CNIH3: variants seen among roughly 807,000 people sequenced by gnomAD.
CNIH3 encodes protein cornichon homolog 3.
CNIH3 carries 14 observed loss-of-function variants against 24.1 expected under a neutral mutation model. The ratio of observed to expected loss-of-function variants is 0.58; its 90% confidence interval spans 0.38 to 0.91. The LOEUF is 0.91. Ranked by LOEUF, CNIH3 falls within the 40% of genes least tolerant of loss-of-function variation. The pLI is 0.00. For synonymous variants in CNIH3, 68 were observed against 73.8 expected (o/e 0.92, Z 0.40); for missense variants, 178 against 196.8 (o/e 0.90, Z 0.57).
intron 1 of CNIH3, among the ~76,000 whole-genome samples, chr1:224,468,429 T>G (rs1676235030): frequency 6.6e-6 from 1 of 152,260 alleles, no homozygotes; most frequent in Non-Finnish European, 1.5e-5. Context: ...TTCATTTGCT[T>G]TGTAGCAATT....
At chr1:224,493,732 T>C (rs1050406115) in intron 1 of CNIH3, among the ~76,000 whole-genome samples, 2 of 152,126 alleles carry the variant, frequency 1.3e-5, no homozygotes, top group African/African-American at 4.8e-5. Context: ...CAAAAGCACA[T>C]GGGAGAAACA....
intron 3 of CNIH3, among the ~76,000 whole-genome samples, chr1:224,700,279 T>A (rs1687413252): frequency 6.6e-6 from 1 of 152,230 alleles, no homozygotes; most frequent in Non-Finnish European, 1.5e-5. Flanking sequence ...CCCACCCTAA[T>A]GACCACATTT....
intron 5 of CNIH3, among the ~76,000 whole-genome samples, chr1:224,735,018 A>G (rs1302734218): frequency 2.0e-5 from 3 of 152,174 alleles, no homozygotes; most frequent in Admixed American, 6.5e-5. Context: ...CTTCTTCCCT[A>G]TAGGGCTTCC....
At chr1:224,549,237 G>A (rs1416102242) in intron 3 of CNIH3, among the ~76,000 whole-genome samples, 1 of 152,016 alleles carries the variant, frequency 6.6e-6, no homozygotes, top group African/African-American at 2.4e-5. Flanking sequence ...AAATATCAGA[G>A]CAATGATATT....
intron 1 of CNIH3, among the ~76,000 whole-genome samples, chr1:224,456,152 GAAA>G (rs1379416408): frequency 6.6e-6 from 1 of 152,152 alleles, no homozygotes; most frequent in Non-Finnish European, 1.5e-5. Context: ...AAGTAGGATT[GAAA>G]CATGCATAAT....
chr1:224,726,654 T>C (rs2125234255), intron 3 of CNIH3, among the ~76,000 whole-genome samples: 1 of 152,304 alleles, frequency 6.6e-6, no homozygotes, highest in East Asian at 1.9e-4. Context: ...GATTAGGTTT[T>C]ACTCGCCCTT....
At chr1:224,737,225 AG>A (rs1388222129) in intron 5 of CNIH3, among the ~76,000 whole-genome samples, 12 of 23,184 alleles carry the variant, frequency 5.2e-4, no homozygotes, top group Non-Finnish European at 8.2e-4. Flanking sequence ...CGGGGGTGGG[AG>A]GGGGTGGGGT....
intron 3 of CNIH3, among the ~76,000 whole-genome samples, chr1:224,602,099 A>G (rs1012233633): frequency 6.6e-6 from 1 of 152,232 alleles, no homozygotes; most frequent in Non-Finnish European, 1.5e-5. Context: ...TAAATGTCTC[A>G]TTTAAAATAC....
Position 224,470,936 on chromosome 1 carries a change from C to T in CNIH3, n.203+36074C>T, listed in dbSNP as rs192860811. 2.0e-5 allele frequency among the ~76,000 whole-genome samples: 3 copies of T among 152,268 alleles called. No homozygotes were observed. In the East Asian group the frequency reaches 5.8e-4, roughly 29 times the overall value. On this transcript the variant is annotated intron_variant and non_coding_transcript_variant, in intron 1 of 5. Coordinates refer to the CNIH3 transcript ENST00000471578. ...GATATCCATAACCTCAAGAATTTAT[C>T]GTTTGTGTTACAAACAATCTAGTTG...
At chr1:224,737,343 G>T (rs963980922) in intron 5 of CNIH3, among the ~76,000 whole-genome samples, 2 of 152,128 alleles carry the variant, frequency 1.3e-5, no homozygotes, top group Admixed American at 6.6e-5. Context: ...CATTACTTCA[G>T]TTTGGCCCTG....
intron 1 of CNIH3, among the ~76,000 whole-genome samples, chr1:224,459,563 T>C (rs528468646): frequency 6.6e-6 from 1 of 152,320 alleles, no homozygotes; most frequent in South Asian, 2.1e-4. Context: ...TAGATCTGTT[T>C]GTGCTTATCT....
intron 3 of CNIH3, among the ~76,000 whole-genome samples, chr1:224,713,930 T>C (rs568301161): frequency 7.2e-5 from 11 of 152,292 alleles, no homozygotes; most frequent in African/African-American, 2.2e-4. Flanking sequence ...TCCTCCCACC[T>C]CAGCCTCCCG....
At chr1:224,598,152 AT>A (rs1682064777) in intron 3 of CNIH3, among the ~76,000 whole-genome samples, 1 of 152,244 alleles carries the variant, frequency 6.6e-6, no homozygotes, top group Non-Finnish European at 1.5e-5. Flanking sequence ...AAATATCCAC[AT>A]TAACAGAAAT....
At chr1:224,666,253 C>A (rs1345204248) in intron 1 of CNIH3, among the ~76,000 whole-genome samples, 3 of 152,086 alleles carry the variant, frequency 2.0e-5, no homozygotes, top group African/African-American at 7.2e-5. Flanking sequence ...TCTGAGCATG[C>A]AGACAGCTGG....
At chr1:224,731,297 A>T (rs915287450) in intron 4 of CNIH3, among the ~76,000 whole-genome samples, 2 of 152,120 alleles carry the variant, frequency 1.3e-5, no homozygotes, top group African/African-American at 4.8e-5. Flanking sequence ...AAAAGCACCT[A>T]CCAGATGGGC....
At chr1:224,654,307 C>T (rs184065747) in intron 1 of CNIH3, among the ~76,000 whole-genome samples, 339 of 152,140 alleles carry the variant, frequency 2.2e-3, no homozygotes, top group Non-Finnish European at 3.7e-3. Context: ...CGCTTGAACC[C>T]GGGGGTGGAG....
At chr1:224,602,781 G>A (rs1682258684) in intron 3 of CNIH3, among the ~76,000 whole-genome samples, 1 of 152,180 alleles carries the variant, frequency 6.6e-6, no homozygotes, top group Admixed American at 6.5e-5. Context: ...AAAAGGAAAA[G>A]GGCTTTGAAT....
intron 3 of CNIH3, among the ~76,000 whole-genome samples, chr1:224,719,477 A>C (rs1688602769): frequency 6.6e-6 from 1 of 152,170 alleles, no homozygotes; most frequent in African/African-American, 2.4e-5. Context: ...GCTTTTTAAA[A>C]CTATATGGAG....
At chr1:224,655,788 A>G (rs1239349935) in intron 1 of CNIH3, among the ~76,000 whole-genome samples, 1 of 152,222 alleles carries the variant, frequency 6.6e-6, no homozygotes, top group Non-Finnish European at 1.5e-5. Flanking sequence ...AGTCCCAAAC[A>G]CATCTCTCTC....
Sources: gnomAD v4.1 joint callset for allele counts (sites outside exome capture counted in the v4.1 genomes callset) on GRCh38, gnomAD v4.1.1 for gene constraint, MANE v1.5 for transcripts, NCBI Gene and HGNC (gene_info 2026-07-23, HGNC 2026-07-21) for gene names.